PRKCH: variants seen among roughly 807,000 people sequenced by gnomAD.
PRKCH encodes protein kinase C eta.
In PRKCH, 28 loss-of-function variants were observed where a neutral mutation model predicts 82.5. The observed-to-expected ratio is 0.34, with a 90% confidence interval of 0.25 to 0.47. The LOEUF (loss-of-function observed/expected upper bound fraction) is 0.47, where lower values mean the gene tolerates loss of function less well. PRKCH is among the 20% of genes least tolerant of loss of function. The probability of loss-of-function intolerance (pLI) is 1.00; values close to 1 mark genes in which losing one functional copy is unlikely to be tolerated. For missense variants in PRKCH, 705 were observed against 881.8 expected, an observed-to-expected ratio of 0.80 and a Z score of 2.54; for synonymous variants, 322 against 327.4, an observed-to-expected ratio of 0.98 and a Z score of 0.18.
rs1052709331 is a variant in PRKCH at position 61,188,423 on chromosome 14, T to TGGCTCCGGCTCC, written c.-19+764_-19+775dup. Among the ~76,000 whole-genome samples, 13 of 151,606 alleles carry TGGCTCCGGCTCC rather than the reference T, an allele frequency of 8.6e-5. 1 individual carries two copies. The highest frequency in any genetic ancestry group is 1.3e-4 in the Admixed American group (2 of 15,260). On this transcript the variant is annotated intron_variant, in intron 1 of 3. Transcript: ENST00000555185. ...TCTCAGGCAGTTCTGGCTCCGGCTCTGGCTCCGGCTCCGGCTCCGGGTCGG... is the reference window on the plus strand; with the variant it reads ...TCTCAGGCAGTTCTGGCTCCGGCTCTGGCTCCGGCTCCGGCTCCGGCTCCGGCTCCGGGTCGG...
chr14:61,265,938 T>TA (rs889761308), intron 1 of PRKCH, among the ~76,000 whole-genome samples: 4 of 151,782 alleles, frequency 2.6e-5, no homozygotes, highest in Non-Finnish European at 5.9e-5. Context: ...CTACTAAAAA[T>TA]AAAAAAATTA....
At chr14:61,420,041 A>T (rs1882754373) in intron 2 of PRKCH, among the ~76,000 whole-genome samples, 1 of 152,184 alleles carries the variant, frequency 6.6e-6, no homozygotes, top group Non-Finnish European at 1.5e-5. Flanking sequence ...GGCCCTGCTC[A>T]TGGGCATTCC....
At chr14:61,323,683 C>A (rs1319639205) in intron 1 of PRKCH, among the ~76,000 whole-genome samples, 1 of 152,156 alleles carries the variant, frequency 6.6e-6, no homozygotes, top group Admixed American at 6.5e-5. Flanking sequence ...AGTACAAAAA[C>A]CATAATGACT....
At chr14:61,440,414 C>T (rs1376593386) in intron 2 of PRKCH, among the ~76,000 whole-genome samples, 1 of 152,154 alleles carries the variant, frequency 6.6e-6, no homozygotes, top group Non-Finnish European at 1.5e-5. Context: ...ATTACACCTA[C>T]CTCCAAACAA....
chr14:61,417,125 T>G (rs144839251), intron 2 of PRKCH, among the ~76,000 whole-genome samples: 278 of 152,292 alleles, frequency 1.8e-3, no homozygotes, highest in African/African-American at 6.4e-3. Flanking sequence ...TCCTTCATAC[T>G]TGAAGAGGAG....
chr14:61,258,211 A>G (rs1159867850), intron 1 of PRKCH, among the ~76,000 whole-genome samples: 2 of 152,236 alleles, frequency 1.3e-5, no homozygotes, highest in African/African-American at 4.8e-5. Flanking sequence ...CACCCTGGAA[A>G]TAACACAGAT....
intron 1 of PRKCH, among the ~76,000 whole-genome samples, chr14:61,226,308 A>G (rs2044696027): frequency 6.6e-6 from 1 of 152,288 alleles, no homozygotes; most frequent in Admixed American, 6.5e-5. Context: ...TTTTAAATAC[A>G]TTTATCCAGG....
intron 10 of PRKCH, among the ~76,000 whole-genome samples, chr14:61,507,219 CAAATGA>C (rs1887187575): frequency 6.6e-6 from 1 of 152,122 alleles, no homozygotes; most frequent in Admixed American, 6.5e-5. Context: ...CTGGGAAATG[CAAATGA>C]AAACCACAAT....
intron 12 of PRKCH, among the ~76,000 whole-genome samples, chr14:61,534,708 TGA>T (rs1246239138): frequency 2.0e-5 from 3 of 152,178 alleles, no homozygotes; most frequent in Admixed American, 6.5e-5. Context: ...CATCTGTAGA[TGA>T]GGAAACGGGC....
At chr14:61,189,879 C>T (rs1286321551) in intron 1 of PRKCH, among the ~76,000 whole-genome samples, 1 of 152,032 alleles carries the variant, frequency 6.6e-6, no homozygotes, top group Non-Finnish European at 1.5e-5. Flanking sequence ...TTTATATGGT[C>T]TTTGTTGTAA....
At chr14:61,281,331 C>T (rs963732472) in intron 1 of PRKCH, 7 of 371,974 alleles carry the variant, frequency 1.9e-5, no homozygotes, top group Non-Finnish European at 3.5e-5. Context: ...CCAGGCCCTA[C>T]GAGCAGTGCC....
At position 61,280,865 on chromosome 14, in the gene PRKCH, C is replaced by T. The variant is rs757464392; in HGVS notation, c.-19+93197C>T. ...AGCTCGGGCAGCGAGAAGTACCAGG[C>T]GCACGAGCAGGGGGGCGGCAGCGCC... is the stretch of plus-strand genomic sequence containing the variant. On this transcript the variant is annotated intron_variant, in intron 1 of 3. Coordinates refer to the PRKCH transcript ENST00000555185. The surrounding 1 kb of genome is among the most constrained non-coding windows in gnomAD (Gnocchi z 5.0). 58 of 1,567,406 alleles carry T rather than the reference C, an allele frequency of 3.7e-5. No homozygotes were observed. Among genetic ancestry groups the T allele is most frequent in the African/African-American group, 5.4e-5 (4 of 73,760 alleles).
chr14:61,318,365 G>GTTTT (rs77878429), upstream of PRKCH, among the ~76,000 whole-genome samples: 26 of 126,322 alleles, frequency 2.1e-4, no homozygotes, highest in Admixed American at 3.2e-4. Flanking sequence ...GTTTTAAAAA[G>GTTTT]TTTTTTTTTT....
intron 2 of PRKCH, among the ~76,000 whole-genome samples, chr14:61,424,659 A>G (rs1295725239): frequency 6.6e-6 from 1 of 152,190 alleles, no homozygotes; most frequent in African/African-American, 2.4e-5. Context: ...AGAAAAACCC[A>G]TTTTCTGGGG....
At chr14:61,203,330 G>A (rs1422674326) in intron 1 of PRKCH, among the ~76,000 whole-genome samples, 8 of 152,094 alleles carry the variant, frequency 5.3e-5, no homozygotes, top group Non-Finnish European at 1.2e-4. Context: ...AAGGGGTGGG[G>A]GACGTTAGGT....
intron 9 of PRKCH, among the ~76,000 whole-genome samples, chr14:61,464,112 A>G (rs1475870684): frequency 6.6e-6 from 1 of 152,164 alleles, no homozygotes; most frequent in African/African-American, 2.4e-5. Flanking sequence ...AGCATATGGT[A>G]GTTCTATTTT....
At chr14:61,235,147 C>T (rs891979092) in intron 1 of PRKCH, among the ~76,000 whole-genome samples, 1 of 152,190 alleles carries the variant, frequency 6.6e-6, no homozygotes, top group Non-Finnish European at 1.5e-5. Context: ...TAAGGCACCC[C>T]TTAAATTTCC....
chr14:61,412,699 A>G (rs1882332371), intron 2 of PRKCH, among the ~76,000 whole-genome samples: 1 of 152,208 alleles, frequency 6.6e-6, no homozygotes, highest in African/African-American at 2.4e-5. Flanking sequence ...CAAAAACGGA[A>G]GCATTCTTCT....
At chr14:61,427,673 A>G (rs111608716) in intron 2 of PRKCH, among the ~76,000 whole-genome samples, 5,933 of 152,126 alleles carry the variant, frequency 0.039, 382 homozygotes, top group African/African-American at 0.13. Flanking sequence ...TGCAGCTTCA[A>G]CCTTCTGGGC....
Sources: gnomAD v4.1 joint callset for allele counts (sites outside exome capture counted in the v4.1 genomes callset) on GRCh38, gnomAD v4.1.1 for gene constraint, Gnocchi (gnomAD v3.1) non-coding constraint, MANE v1.5 for transcripts, NCBI Gene and HGNC (gene_info 2026-07-23, HGNC 2026-07-21) for gene names.